Variants in OPCML observed in about 807,000 individuals in gnomAD.
OPCML encodes the protein opioid binding protein/cell adhesion molecule like.
A neutral mutation model predicts 37.8 loss-of-function variants in OPCML; 13 were observed. The ratio of observed to expected loss-of-function variants is 0.34; its 90% CI spans 0.22 to 0.55. The LOEUF is 0.55. Among genes scored for constraint, OPCML ranks in the 20% least tolerant of loss-of-function variants. OPCML has a pLI of 0.91. For synonymous variants in OPCML, 176 were observed against 168.8 expected (o/e 1.04, Z -0.33); for missense variants, 341 against 435.6 (o/e 0.78, Z 1.93).
At chr11:133,271,294 C>T (rs1941823183) in intron 1 of OPCML, among the ~76,000 whole-genome samples, 2 of 152,314 alleles carry the variant, frequency 1.3e-5, no homozygotes, top group African/African-American at 4.8e-5. Flanking sequence ...ATCATCCTCT[C>T]TTGCCATTTT....
chr11:133,530,186 G>A lies in OPCML; in HGVS notation c.61+2078C>T, dbSNP rs75231221. Among the ~76,000 whole-genome samples the A allele has an allele frequency of 3.7e-4, 57 of 152,228 alleles. No individual in the cohort carries two copies. In the East Asian group the frequency reaches 7.4e-3, roughly 20 times the overall value. On this transcript the variant is annotated intron_variant, in intron 1 of 7. Transcript: ENST00000524381. ...AGGTTCATCCTCCTTTCCCTCAGCC[G>A]GCTTTAGTTTCGGGTACTTCTCCTG...
chr11:133,029,739 G>A (rs1947630741), intron 1 of OPCML, among the ~76,000 whole-genome samples: 1 of 152,050 alleles, frequency 6.6e-6, no homozygotes, highest in African/African-American at 2.4e-5. Flanking sequence ...GGCAAGTGTT[G>A]AAATACTACC....
chr11:132,964,048 T>C (rs1946157802), intron 1 of OPCML, among the ~76,000 whole-genome samples: 1 of 152,196 alleles, frequency 6.6e-6, no homozygotes, highest in African/African-American at 2.4e-5. Flanking sequence ...CTCTGGAGGC[T>C]GGCAGAGAAA....
At chr11:132,561,320 C>T (rs7116926) in intron 3 of OPCML, among the ~76,000 whole-genome samples, 12,940 of 152,272 alleles carry the variant, frequency 0.085, 1,190 homozygotes, top group African/African-American at 0.22. Context: ...TTCTAAGCCA[C>T]TATTAAGTTG....
intron 1 of OPCML, among the ~76,000 whole-genome samples, chr11:133,481,139 A>T (rs2137026616): frequency 6.6e-6 from 1 of 152,364 alleles, no homozygotes; most frequent in Non-Finnish European, 1.5e-5. Context: ...GTGAAGTTGT[A>T]ACACAAATTT....
intron 1 of OPCML, chr11:133,421,436 C>T (rs1370167756): frequency 2.0e-6 from 2 of 985,290 alleles, no homozygotes; most frequent in African/African-American, 3.5e-5. Context: ...TCACTAGTTG[C>T]TCTTGTTAGG....
At chr11:133,486,825 T>A (rs1947536218) in intron 1 of OPCML, among the ~76,000 whole-genome samples, 1 of 149,130 alleles carries the variant, frequency 6.7e-6, no homozygotes, top group African/African-American at 2.5e-5. Flanking sequence ...TCTCTCTCTA[T>A]CTCTCGCTCT....
intron 1 of OPCML, chr11:133,026,120 C>T: frequency 2.0e-6 from 2 of 981,658 alleles, no homozygotes; most frequent in Non-Finnish European, 2.4e-6. Flanking sequence ...TTCTGTTGCA[C>T]ATAATAACTA....
chr11:133,214,206 T>A (rs1490492563), intron 1 of OPCML, among the ~76,000 whole-genome samples: 1 of 152,176 alleles, frequency 6.6e-6, no homozygotes, highest in East Asian at 1.9e-4. Flanking sequence ...GAACTGTTAT[T>A]TCAGATTATG....
chr11:133,038,633 T>C (rs934802458), intron 1 of OPCML, among the ~76,000 whole-genome samples: 3 of 152,288 alleles, frequency 2.0e-5, no homozygotes, highest in Non-Finnish European at 4.4e-5. Flanking sequence ...TTACAGATGA[T>C]AAAACTGCTG....
chr11:132,699,643 C>A (rs1247683791), intron 2 of OPCML, among the ~76,000 whole-genome samples: 1 of 151,914 alleles, frequency 6.6e-6, no homozygotes, highest in Non-Finnish European at 1.5e-5. Context: ...CGTAGTGCAC[C>A]ATAATTATTA....
chr11:133,073,115 C>T (rs930946679), intron 1 of OPCML, among the ~76,000 whole-genome samples: 1 of 152,146 alleles, frequency 6.6e-6, no homozygotes, highest in Admixed American at 6.5e-5. Flanking sequence ...GAATTACCTG[C>T]CTGAGGGACG....
At chr11:132,663,173 T>TA (rs1374072356) in intron 2 of OPCML, among the ~76,000 whole-genome samples, 1 of 152,222 alleles carries the variant, frequency 6.6e-6, no homozygotes, top group African/African-American at 2.4e-5. Context: ...TCTCATGTGT[T>TA]AAACTACGAA....
At chr11:132,958,333 T>C (rs570519796) in intron 1 of OPCML, among the ~76,000 whole-genome samples, 13 of 152,220 alleles carry the variant, frequency 8.5e-5, no homozygotes, top group Non-Finnish European at 1.8e-4. Context: ...GAAGAAATGT[T>C]TGAAGCTAGC....
intron 1 of OPCML, among the ~76,000 whole-genome samples, chr11:133,117,390 C>T (rs1043837972): frequency 1.3e-5 from 2 of 152,068 alleles, no homozygotes; most frequent in African/African-American, 4.8e-5. Flanking sequence ...TGTGATGGAC[C>T]AGAGCTTTCG....
rs1455297152 is a variant in OPCML at position 133,014,627 on chromosome 11, A to G, written c.62-71617T>C. Among the ~76,000 whole-genome samples the G allele has an allele frequency of 4.6e-5, 7 of 152,186 alleles. No homozygotes were observed. In the East Asian group the frequency reaches 1.3e-3, roughly 29 times the overall value. On this transcript the variant is annotated intron_variant, in intron 1 of 7. Coordinates refer to ENST00000524381, the MANE Select transcript of OPCML (RefSeq NM_001012393.5). ...TTTGCCTTCATTCGGTGATGCATTCAATGTCCTCCTACAGTGAGGTACAGG... is the reference window on the plus strand; with the variant it reads ...TTTGCCTTCATTCGGTGATGCATTCGATGTCCTCCTACAGTGAGGTACAGG...
At chr11:133,479,056 C>A (rs1947314579) in intron 1 of OPCML, among the ~76,000 whole-genome samples, 1 of 152,194 alleles carries the variant, frequency 6.6e-6, no homozygotes, top group East Asian at 1.9e-4. Flanking sequence ...ACAGGACGCA[C>A]TTTAAAGGAT....
At chr11:133,007,529 G>T in intron 1 of OPCML, 3 of 985,450 alleles carry the variant, frequency 3.0e-6, no homozygotes, top group Non-Finnish European at 3.6e-6. Flanking sequence ...TTGGAAGGCA[G>T]GGTGGGGAAC....
At chr11:132,497,250 T>G (rs552452187) in intron 4 of OPCML, among the ~76,000 whole-genome samples, 85 of 149,616 alleles carry the variant, frequency 5.7e-4, no homozygotes, top group African/African-American at 2.1e-3. Flanking sequence ...GAGTGGGGAG[T>G]GGGGAGTGGG....
Sources: allele counts gnomAD v4.1 joint callset (sites outside exome capture counted in the v4.1 genomes callset), GRCh38; gene constraint gnomAD v4.1.1; transcripts MANE v1.5; gene names NCBI Gene and HGNC (gene_info 2026-07-23, HGNC 2026-07-21).